FAM53A: variants seen among roughly 807,000 people sequenced by gnomAD.
FAM53A encodes protein FAM53A.
In FAM53A, 28 loss-of-function variants were observed where a neutral mutation model predicts 26.6. That is an observed-to-expected ratio of 1.05 (90% CI 0.78 to 1.45). The LOEUF is 1.45. Ranked by LOEUF, FAM53A falls within the 40% of genes most tolerant of loss-of-function variation. The probability of loss-of-function intolerance (pLI) is 0.00; values close to 1 mark genes in which losing one functional copy is unlikely to be tolerated. For synonymous variants in FAM53A, 290 were observed against 253.1 expected, an observed-to-expected ratio of 1.15 and a Z score of -1.38; for missense variants, 650 against 575.8, an observed-to-expected ratio of 1.13 and a Z score of -1.32.
chr4:1,635,507 C>G (rs1202636497), downstream of FAM53A, among the ~76,000 whole-genome samples: 1 of 152,090 alleles, frequency 6.6e-6, no homozygotes, highest in Non-Finnish European at 1.5e-5. Context: ...CTCCTGAACT[C>G]AAGCAATCCT....
At chr4:1,620,441 G>C (rs573605651) in intron 1 of FAM53A, among the ~76,000 whole-genome samples, 1 of 151,882 alleles carries the variant, frequency 6.6e-6, no homozygotes, top group Admixed American at 6.6e-5. Flanking sequence ...TTTGGTTCCT[G>C]CCACAGTCAG....
chr4:1,585,416 A>C, the FAM53A span, among the ~76,000 whole-genome samples: 1 of 151,198 alleles, frequency 6.6e-6, no homozygotes, highest in African/African-American at 2.4e-5. Context: ...TCTCCTCAGT[A>C]GCTGGGATTA....
the FAM53A span, among the ~76,000 whole-genome samples, chr4:1,586,782 C>CAAAAAAA: frequency 9.1e-6 from 1 of 109,576 alleles, no homozygotes; most frequent in Non-Finnish European, 1.8e-5. Context: ...GACTCCGTCT[C>CAAAAAAA]AAAAAAAAAA....
At chr4:1,683,314 G>C (rs150489998) in intron 1 of FAM53A, 1 of 152,384 alleles carries the variant, frequency 6.6e-6, no homozygotes, top group African/African-American at 2.4e-5. Context: ...TGATGAGGGA[G>C]AAGGTCAGGC....
upstream of FAM53A, among the ~76,000 whole-genome samples, chr4:1,685,065 C>G (rs1177225055): frequency 5.9e-5 from 9 of 152,278 alleles, no homozygotes; most frequent in South Asian, 8.3e-4. Context: ...CCCTCTCCAG[C>G]CTCCCGTGCT....
At chr4:1,654,540 G>A (rs1713147034) in intron 4 of FAM53A, among the ~76,000 whole-genome samples, 1 of 152,260 alleles carries the variant, frequency 6.6e-6, no homozygotes, top group Admixed American at 6.5e-5. Flanking sequence ...ACACCCACCA[G>A]CTCCCACAAG....
chr4:1,621,253 G>A (rs10031505), intron 1 of FAM53A, among the ~76,000 whole-genome samples: 6,278 of 151,882 alleles, frequency 0.041, 163 homozygotes, highest in African/African-American at 0.084. Flanking sequence ...ACAGGCGCCC[G>A]CCACCTCACC....
At position 1,671,461 on chromosome 4, in the gene FAM53A, G is replaced by A. The variant is rs10016659; in HGVS notation, c.-164-2556C>T. On this transcript the variant is annotated intron_variant, in intron 1 of 4. Transcript: ENST00000308132. ...CCAGCTCACAGCCACAGCCACAGCC[G>A]GGACTCACCTCTGTCCCAGCGTCAG... Among the ~76,000 whole-genome samples the A allele has an allele frequency of 3.0e-3, 2 of 674 alleles. 1 individual carries two copies. The highest frequency in any genetic ancestry group is 3.9e-3 in the African/African-American group (2 of 508). 0.4% of individuals were successfully genotyped at this position (674 alleles called of 152,430 possible).
intron 1 of FAM53A, among the ~76,000 whole-genome samples, chr4:1,679,209 A>G (rs1361604386): frequency 6.6e-6 from 1 of 152,084 alleles, no homozygotes; most frequent in African/African-American, 2.4e-5. Context: ...ACATGGTGAA[A>G]CCCCATCTCT....
the FAM53A span, among the ~76,000 whole-genome samples, chr4:1,599,772 C>T: frequency 6.6e-6 from 1 of 152,188 alleles, no homozygotes; most frequent in Non-Finnish European, 1.5e-5. This position sits in a 1 kb window ranked among gnomAD's most constrained non-coding sequence, Gnocchi z 6.1. Context: ...CTGCCAGCCA[C>T]ACGCATACTC....
the FAM53A span, among the ~76,000 whole-genome samples, chr4:1,595,150 G>T: frequency 2.0e-5 from 3 of 152,222 alleles, no homozygotes; most frequent in African/African-American, 7.2e-5. Flanking sequence ...CAGGGAAGCC[G>T]CAGCCACTGA....
rs1263945188 is a variant in FAM53A, at chr4:1,669,523, G to A, written c.-164-618C>T. 2.6e-5 allele frequency among the ~76,000 whole-genome samples: 4 copies of A among 152,216 alleles called. No homozygotes were observed. In the South Asian group the frequency reaches 6.2e-4, roughly 24 times the overall value. On this transcript the variant is annotated intron_variant, in intron 1 of 4. Coordinates refer to ENST00000308132, the MANE Select transcript of FAM53A (RefSeq NM_001174070.3). Reference sequence around the variant, plus strand: ...GGCAGAGGCTGCGGGGCGGCCCCAGGGCTGCTCCCAACAGACACCAACCAG... The same window carrying A: ...GGCAGAGGCTGCGGGGCGGCCCCAGAGCTGCTCCCAACAGACACCAACCAG...
intron 1 of FAM53A, among the ~76,000 whole-genome samples, chr4:1,675,221 C>T (rs1169343323): frequency 6.6e-6 from 1 of 152,174 alleles, no homozygotes; most frequent in East Asian, 1.9e-4. Context: ...AACCTGGCTC[C>T]CGCTGCCAGA....
At chr4:1,661,623 A>C (rs1713843401) in intron 2 of FAM53A, among the ~76,000 whole-genome samples, 1 of 131,072 alleles carries the variant, frequency 7.6e-6, no homozygotes, top group Non-Finnish European at 1.6e-5. Context: ...TGTGGCCCCA[A>C]TGGCCTTTGC....
At chr4:1,582,287 C>T in the FAM53A span, among the ~76,000 whole-genome samples, 1 of 152,226 alleles carries the variant, frequency 6.6e-6, no homozygotes, top group African/African-American at 2.4e-5. Context: ...CAGGCCACGG[C>T]CATCAGGGCA....
At chr4:1,613,507 C>T (rs149242831), downstream of FAM53A, among the ~76,000 whole-genome samples, 124 of 152,314 alleles carry the variant, frequency 8.1e-4, no homozygotes, top group African/African-American at 2.8e-3. Context: ...GACACAAACA[C>T]GCAAAACACT....
intron 1 of FAM53A, among the ~76,000 whole-genome samples, chr4:1,633,046 A>G (rs1283109855): frequency 1.3e-5 from 2 of 150,048 alleles, no homozygotes; most frequent in Admixed American, 6.6e-5. Context: ...ACGCATAGGT[A>G]CATGCTCATG....
rs56262316 is a variant in FAM53A, at chr4:1,625,603, T to C, written c.432-7492A>G. On this transcript the variant is annotated intron_variant, in intron 1 of 1. Transcript: ENST00000489029. Reference sequence around the variant, plus strand: ...CACGCCAGGTGATCAGAAGCCCCCATGTCCCGACCCACGTGGTCAGGGTCA... The same window carrying C: ...CACGCCAGGTGATCAGAAGCCCCCACGTCCCGACCCACGTGGTCAGGGTCA... 6.9e-3 allele frequency among the ~76,000 whole-genome samples: 263 copies of C among 38,136 alleles called. 6 individuals are homozygous for C. The highest frequency in any genetic ancestry group is 0.043 in the South Asian group (36 of 836). The allele number at this position is 38,136 out of a possible 152,430, so 25.0% of individuals were successfully genotyped here. A position where few individuals can be genotyped will look rare whatever the true frequency, so the allele number is the denominator to read the frequency against.
intron 1 of FAM53A, among the ~76,000 whole-genome samples, chr4:1,619,554 G>A (rs1274194137): frequency 6.6e-6 from 1 of 152,218 alleles, no homozygotes; most frequent in African/African-American, 2.4e-5. Context: ...TCCCGCACCA[G>A]GTGCTGGCCT....
Sources: allele counts gnomAD v4.1 joint callset (sites outside exome capture counted in the v4.1 genomes callset), GRCh38; gene constraint gnomAD v4.1.1; non-coding constraint Gnocchi (gnomAD v3.1); transcripts MANE v1.5; gene names NCBI Gene and HGNC (gene_info 2026-07-23, HGNC 2026-07-21).